The following PHGR1 variants were observed in gnomAD, a reference collection of about 807,000 sequenced individuals.
PHGR1 encodes the protein proline, histidine and glycine-rich protein 1.
PHGR1 carries 3 observed loss-of-function variants against 4.9 expected under a neutral mutation model. That is an observed-to-expected ratio of 0.61 (90% CI 0.28 to 1.58). PHGR1 has a LOEUF of 1.58. Ranked by LOEUF, PHGR1 falls within the 40% of genes most tolerant of loss-of-function variation. PHGR1 has a pLI of 0.11. For synonymous variants in PHGR1, 32 were observed against 46.1 expected (o/e 0.69, Z 1.24); for missense variants, 81 against 118.7 (o/e 0.68, Z 1.48).
intron 2 of PHGR1, 69 bp downstream of exon 2, chr15:40,353,336 A>C: frequency 6.5e-7 from 1 of 1,546,344 alleles, no homozygotes; most frequent in Non-Finnish European, 8.8e-7. Flanking sequence ...AAAGGCAGGG[A>C]CTATCAGTCA....
chr15:40,351,549 C>A (rs1247021825), intron 1 of PHGR1, among the ~76,000 whole-genome samples: 1 of 152,158 alleles, frequency 6.6e-6, no homozygotes, highest in Non-Finnish European at 1.5e-5. Flanking sequence ...GCACGAAGGA[C>A]CATGGGTATA....
chr15:40,354,095 C>A (rs1025806617), intron 2 of PHGR1, among the ~76,000 whole-genome samples: 1 of 152,106 alleles, frequency 6.6e-6, no homozygotes, highest in Non-Finnish European at 1.5e-5. Flanking sequence ...GCCACTCCAC[C>A]CAGGAGGACT....
At chr15:40,353,866 A>C (rs913834377) in intron 2 of PHGR1, 1 of 183,694 alleles carries the variant, frequency 5.4e-6, no homozygotes, top group Admixed American at 5.6e-5. Flanking sequence ...AGCTGAGAAC[A>C]GAAGGTCATA....
chr15:40,355,576 T>C (rs575900230), intron 3 of PHGR1, among the ~76,000 whole-genome samples: 1 of 152,188 alleles, frequency 6.6e-6, no homozygotes, highest in East Asian at 1.9e-4. Context: ...ACTGTCTTCC[T>C]TCTTCCCCTC....
chr15:40,354,375 C>A, intron 3 of PHGR1, 23 bp downstream of exon 3: 1 of 1,533,512 alleles, frequency 6.5e-7, no homozygotes, highest in South Asian at 1.2e-5. Context: ...CCCCAATGGT[C>A]TCCCCTTTTT....
chr15:40,352,470 C>A (rs751812224), intron 1 of PHGR1, among the ~76,000 whole-genome samples: 32 of 152,296 alleles, frequency 2.1e-4, no homozygotes, highest in Middle Eastern at 3.4e-3. Context: ...CAGCCCCAAG[C>A]AAGACATGGC....
chr15:40,351,747 T>C (rs920471316), intron 1 of PHGR1, among the ~76,000 whole-genome samples: 1 of 152,070 alleles, frequency 6.6e-6, no homozygotes, highest in African/African-American at 2.4e-5. Flanking sequence ...AAAACAATTT[T>C]TTTTTTTGAG....
In PHGR1 at chr15:40,356,311, G is replaced by A. The variant is rs1259445956; in HGVS notation, c.*8G>A. 2.6e-6 allele frequency: 4 copies of A among 1,549,676 alleles called. No individual in the cohort carries two copies. In the Admixed American group the frequency reaches 7.8e-5, roughly 30 times the overall value. On this transcript the variant is annotated 3_prime_UTR_variant, in exon 4 of 4. Transcript: ENST00000448599. ...CCTGGTCCACATCACTGAGGAAGTA[G>A]AAGAAAACAGGACACAAGATGGCAA... is the stretch of plus-strand genomic sequence containing the variant.
Position 40,351,926 on chromosome 15 carries a change from G to T in PHGR1, c.-27+864G>T, listed in dbSNP as rs916785581. Among the ~76,000 whole-genome samples the T allele has an allele frequency of 2.0e-5, 3 of 152,044 alleles. No individual in the cohort carries two copies. In the East Asian group the frequency reaches 5.8e-4, roughly 29 times the overall value. On this transcript the variant is annotated intron_variant, in intron 1 of 3. Transcript: ENST00000448599. Reference sequence around the variant, plus strand: ...TAATTTTTGTATTTTTAGTAGAGACGGGGTTTCACCATATTGGACAGGCTG... The same window carrying T: ...TAATTTTTGTATTTTTAGTAGAGACTGGGTTTCACCATATTGGACAGGCTG...
intron 2 of PHGR1, 32 bp from the exon 3 acceptor site, chr15:40,354,313 C>T (rs2141255062): frequency 1.4e-6 from 2 of 1,471,158 alleles, no homozygotes; most frequent in East Asian, 2.6e-5. Context: ...ATGACCAAAG[C>T]TGCTTCTTTT....
chr15:40,352,397 G>GA (rs1186778165), intron 1 of PHGR1, among the ~76,000 whole-genome samples: 2 of 151,906 alleles, frequency 1.3e-5, no homozygotes, highest in Non-Finnish European at 2.9e-5. Flanking sequence ...TTTGAGGGTT[G>GA]AAAAAAAATG....
chr15:40,356,186 G>T lies in PHGR1; in HGVS notation c.132G>T (p.Gly44=), dbSNP rs1889295424. The T allele has an allele frequency of 6.8e-7, 1 of 1,462,558 alleles. No individual in the cohort carries two copies. The highest frequency in any genetic ancestry group is 9.1e-7 in the Non-Finnish European group (1 of 1,099,952). The allele number at this position is 1,462,558 out of a possible 1,614,324, so 90.6% of individuals were successfully genotyped here. ...CCCACCATGGTCCAGGGCCCTGCGG[G>T]CCACCCCCTGGCCATGGCCCAGGGC... ...PPPHHGPGPC[G]PPPGHGPGPC... The change falls in exon 4 of 4, where the codon GGG becomes GGT. Residue 44 remains glycine, a synonymous_variant. Transcript: ENST00000448599.
At chr15:40,353,110 GGTGTGTGTGTGTGTGT>G (rs57886573) in intron 1 of PHGR1, 106 bp from the exon 2 acceptor site, 17 of 565,298 alleles carry the variant, frequency 3.0e-5, no homozygotes, top group Admixed American at 9.4e-5. Flanking sequence ...TCCTTTGAAG[GGTGTGTGTGTGTGTGT>G]GTGTGTGTGT....
intron 1 of PHGR1, 74 bp from the exon 2 acceptor site, chr15:40,353,158 C>CGT (rs1439939879): frequency 1.5e-5 from 21 of 1,377,544 alleles, no homozygotes; most frequent in African/African-American, 1.0e-4. Context: ...CGCGCGCGCG[C>CGT]GCATCCGTGG....
intron 2 of PHGR1, chr15:40,353,507 G>A (rs918594247): frequency 3.7e-6 from 2 of 533,742 alleles, no homozygotes; most frequent in African/African-American, 1.9e-5. Flanking sequence ...AAGGGTAGGT[G>A]CTTCTCCCAC....
At chr15:40,353,092 C>G in intron 1 of PHGR1, 140 bp from the exon 2 acceptor site, 1 of 933,678 alleles carries the variant, frequency 1.1e-6, no homozygotes, top group Non-Finnish European at 1.6e-6. Context: ...GCAGTTTTTT[C>G]CCTTTCTTCC....
intron 3 of PHGR1, among the ~76,000 whole-genome samples, chr15:40,354,593 C>A (rs1195858276): frequency 6.6e-6 from 1 of 152,162 alleles, no homozygotes; most frequent in Non-Finnish European, 1.5e-5. Flanking sequence ...CTGTCTCTCT[C>A]CTTTCCTCAC....
At chr15:40,355,439 G>A (rs1566911916) in intron 3 of PHGR1, among the ~76,000 whole-genome samples, 1 of 152,032 alleles carries the variant, frequency 6.6e-6, no homozygotes. Context: ...CCATGCACAC[G>A]TACACAAACA....
At chr15:40,354,399 T>G in intron 3 of PHGR1, 47 bp downstream of exon 3, 1 of 1,514,990 alleles carries the variant, frequency 6.6e-7, no homozygotes, top group Non-Finnish European at 8.9e-7. Flanking sequence ...CCCACTGTCA[T>G]GTCCTCCAGA....
Sources: gnomAD v4.1 joint callset for allele counts (sites outside exome capture counted in the v4.1 genomes callset) on GRCh38, gnomAD v4.1.1 for gene constraint, MANE v1.5 for transcripts, NCBI Gene and HGNC (gene_info 2026-07-23, HGNC 2026-07-21) for gene names.